VNN2: variants seen among roughly 807,000 people sequenced by gnomAD.
The protein encoded by VNN2 is pantetheine hydrolase VNN2.
A neutral mutation model predicts 43.0 loss-of-function variants in VNN2; 43 were observed. The ratio of observed to expected loss-of-function variants is 1.00; its 90% confidence interval spans 0.78 to 1.29. The LOEUF (loss-of-function observed/expected upper bound fraction) is 1.29, where lower values mean the gene tolerates loss of function less well. Ranked by LOEUF, VNN2 falls within the 50% of genes most tolerant of loss-of-function variation. VNN2 has a pLI of 0.00. For synonymous variants in VNN2, 230 were observed against 224.3 expected (o/e 1.03, Z -0.23); for missense variants, 652 against 619.7 (o/e 1.05, Z -0.55).
Position 132,749,878 on chromosome 6 carries a change from A to G in VNN2, c.1201-13T>C, listed in dbSNP as rs1463824115. On this transcript the variant is annotated splice_polypyrimidine_tract_variant and intron_variant, in intron 5 of 6. Coordinates refer to ENST00000326499, the MANE Select transcript of VNN2 (RefSeq NM_004665.6). ...GCAGTGTGCAGACCTATGTGGAACA[A>G]ACGCAGATAAAACGCAATGCCTTAC... The G allele has an allele frequency of 6.2e-7, 1 of 1,605,096 alleles. No homozygotes were observed. The highest frequency in any genetic ancestry group is 1.3e-5 in the African/African-American group (1 of 74,606).
Position 132,757,289 on chromosome 6 carries a change from T to C in VNN2, c.344+127A>G, listed in dbSNP as rs892834485. On this transcript the variant is annotated intron_variant, in intron 2 of 6. Coordinates refer to ENST00000326499, the MANE Select transcript of VNN2 (RefSeq NM_004665.6). ...GTACAATTTTTTAAAATCTGACAAA[T>C]GTTGAGATAAATATAACCATAACAT... 12 of 1,157,916 alleles carry C rather than the reference T, an allele frequency of 1.0e-5. No homozygotes were observed. The African/African-American group carries it at 1.9e-4, about 18-fold the overall frequency. 71.7% of individuals were successfully genotyped at this position (1,157,916 alleles called of 1,614,324 possible).
chr6:132,752,013 A>G (rs778622750), intron 4 of VNN2, among the ~76,000 whole-genome samples: 7 of 152,162 alleles, frequency 4.6e-5, no homozygotes, highest in Non-Finnish European at 7.3e-5. Context: ...ATAAATAGCA[A>G]TGTGGCTTCT....
upstream of VNN2, among the ~76,000 whole-genome samples, chr6:132,761,099 TA>T (rs1375983425): frequency 1.3e-5 from 2 of 152,166 alleles, no homozygotes; most frequent in African/African-American, 4.8e-5. Context: ...TCTTCAGAAG[TA>T]AAAAACCAAA....
chr6:132,756,574 A>G (rs1349898955), intron 2 of VNN2, among the ~76,000 whole-genome samples: 1 of 152,148 alleles, frequency 6.6e-6, no homozygotes, highest in African/African-American at 2.4e-5. Flanking sequence ...AGCAGTTGGC[A>G]CAGTTAATTA....
chr6:132,744,260 C>A lies in VNN2; in HGVS notation c.*40G>T. 3 of 1,562,622 alleles carry A rather than the reference C, an allele frequency of 1.9e-6. No individual in the cohort carries two copies. Among genetic ancestry groups the A allele is most frequent in the South Asian group, 2.4e-5 (2 of 82,526 alleles). On this transcript the variant is annotated 3_prime_UTR_variant, in exon 7 of 7. Coordinates refer to ENST00000326499, the MANE Select transcript of VNN2 (RefSeq NM_004665.6). ...TTGGGAAGCCGATAAACACATTCAGCCAAGCATATGATGCAGAAGCTGAGT... is the reference window on the plus strand; with the variant it reads ...TTGGGAAGCCGATAAACACATTCAGACAAGCATATGATGCAGAAGCTGAGT...
upstream of VNN2, among the ~76,000 whole-genome samples, chr6:132,762,699 C>A (rs1780765598): frequency 6.6e-6 from 1 of 152,166 alleles, no homozygotes; most frequent in African/African-American, 2.4e-5. Flanking sequence ...CTAATGAACA[C>A]AGCTGAAACC....
chr6:132,754,506 T>G (rs1780336734), intron 3 of VNN2, among the ~76,000 whole-genome samples: 1 of 152,170 alleles, frequency 6.6e-6, no homozygotes, highest in Non-Finnish European at 1.5e-5. Flanking sequence ...ATATTTATAT[T>G]TTAACTGAGA....
intron 6 of VNN2, among the ~76,000 whole-genome samples, chr6:132,747,531 C>T (rs570249016): frequency 1.3e-5 from 2 of 152,202 alleles, no homozygotes; most frequent in Non-Finnish European, 2.9e-5. Flanking sequence ...GCAGGAGAAT[C>T]GCTTGAACCC....
intron 6 of VNN2, among the ~76,000 whole-genome samples, chr6:132,745,151 G>T (rs530773849): frequency 6.6e-6 from 1 of 152,126 alleles, no homozygotes; most frequent in Non-Finnish European, 1.5e-5. Flanking sequence ...TGGTGCACAG[G>T]CTCATGAGAA....
chr6:132,751,041 G>A, intron 5 of VNN2, 104 bp downstream of exon 5: 1 of 1,411,650 alleles, frequency 7.1e-7, no homozygotes, highest in Non-Finnish European at 9.5e-7. Flanking sequence ...ATCAATGCAT[G>A]GAGTCAAGCC....
chr6:132,755,713 A>G (rs1780420274), intron 3 of VNN2, 130 bp downstream of exon 3: 2 of 1,088,736 alleles, frequency 1.8e-6, no homozygotes, highest in African/African-American at 1.6e-5. Context: ...TTCAAAAAAC[A>G]AAAAACAAAA....
upstream of VNN2, chr6:132,758,041 T>A (rs1302237018): frequency 0.2 from 49,008 of 247,262 alleles, 6,635 homozygotes; most frequent in Admixed American, 0.24. Flanking sequence ...TTCTTCTTCT[T>A]TTTTTTTTTT....
At position 132,757,747 on chromosome 6, in the gene VNN2, G is replaced by A. The variant is rs139348170; in HGVS notation, c.137C>T (p.Ser46Phe). Residue 46 changes from serine (S) to phenylalanine (F), a missense_variant, in exon 1 of 7, where the codon TCT becomes TTT. Transcript: ENST00000326499. The part of the protein sequence containing the change: ...ILPNKTETPV[S>F]QEDALNLMNE... Reference sequence around the variant, plus strand: ...CATGAGATTCAAGGCATCCTCCTGAGAAACTGGTGTTTCTGTTTTATTTGG... The same window carrying A: ...CATGAGATTCAAGGCATCCTCCTGAAAAACTGGTGTTTCTGTTTTATTTGG... 3.0e-3 allele frequency: 4,777 copies of A among 1,614,112 alleles called. 9 individuals are homozygous for A. Among genetic ancestry groups the A allele is most frequent in the Non-Finnish European group, 3.6e-3 (4,300 of 1,180,030 alleles).
intron 4 of VNN2, among the ~76,000 whole-genome samples, chr6:132,751,719 C>A (rs1435653965): frequency 6.6e-6 from 1 of 152,192 alleles, no homozygotes; most frequent in Non-Finnish European, 1.5e-5. Context: ...TCCTTGGTCT[C>A]ATTTCAATTA....
intron 3 of VNN2, chr6:132,753,830 G>T (rs35971471): frequency 0.015 from 2,444 of 163,046 alleles, 39 homozygotes; most frequent in Middle Eastern, 0.034. Flanking sequence ...GTATGCACCT[G>T]TAATCCCAGC....
At chr6:132,748,645 A>G (rs1314126251) in intron 6 of VNN2, among the ~76,000 whole-genome samples, 5 of 152,218 alleles carry the variant, frequency 3.3e-5, no homozygotes, top group African/African-American at 1.2e-4. Flanking sequence ...CCACTGGAAT[A>G]TGTGTATGTA....
In VNN2 at chr6:132,749,676, C is replaced by G; in HGVS notation, c.1371+19G>C. 1 of 1,601,912 alleles carries G rather than the reference C, an allele frequency of 6.2e-7. No individual in the cohort carries two copies. Among genetic ancestry groups the G allele is most frequent in the South Asian group, 1.1e-5 (1 of 89,780 alleles). On this transcript the variant is annotated intron_variant, in intron 6 of 6. Coordinates refer to ENST00000326499, the MANE Select transcript of VNN2 (RefSeq NM_004665.6). Reference sequence around the variant, plus strand: ...AGAGAACATATAAAATGAAAATACTCTTATAAAAGTCCTCTTACCTCAAAT... The same window carrying G: ...AGAGAACATATAAAATGAAAATACTGTTATAAAAGTCCTCTTACCTCAAAT...
chr6:132,753,980 G>GA (rs1283599235), intron 3 of VNN2: 3 of 137,664 alleles, frequency 2.2e-5, no homozygotes, highest in Non-Finnish European at 4.5e-5. Flanking sequence ...AAAAAAAAAG[G>GA]AATTGATCGA....
intron 3 of VNN2, among the ~76,000 whole-genome samples, chr6:132,755,415 C>T (rs1364822712): frequency 3.5e-5 from 5 of 142,270 alleles, no homozygotes; most frequent in Non-Finnish European, 6.0e-5. Context: ...CCCTCTGTCA[C>T]CCAGGCTGGA....
Sources: allele counts gnomAD v4.1 joint callset (sites outside exome capture counted in the v4.1 genomes callset), GRCh38; gene constraint gnomAD v4.1.1; transcripts MANE v1.5; gene names NCBI Gene and HGNC (gene_info 2026-07-23, HGNC 2026-07-21).